The following BICRA variants were observed in gnomAD, a reference collection of about 807,000 sequenced individuals.
BICRA encodes the protein BRD4 interacting chromatin remodeling complex associated protein.
In BICRA, 31 loss-of-function variants were observed where a neutral mutation model predicts 96.9. The observed-to-expected ratio is 0.32, with a 90% CI of 0.24 to 0.43. The LOEUF is 0.43. Among genes scored for constraint, BICRA ranks in the 20% least tolerant of loss-of-function variants. The probability of loss-of-function intolerance (pLI) is 1.00; values close to 1 mark genes in which losing one functional copy is unlikely to be tolerated. For missense variants in BICRA, 2,283 were observed against 2,190.3 expected, an observed-to-expected ratio of 1.04 and a Z score of -0.84; for synonymous variants, 1,350 against 1,071.8, an observed-to-expected ratio of 1.26 and a Z score of -5.07.
chr19:47,626,196 A>C (rs1353398058), intron 1 of BICRA: 1 of 152,156 alleles, frequency 6.6e-6, no homozygotes, highest in African/African-American at 2.4e-5. Flanking sequence ...GTTCTGGTCT[A>C]GGCCACTTAC....
intron 9 of BICRA, 84 bp downstream of exon 9, chr19:47,695,164 C>A: frequency 2.1e-6 from 2 of 960,114 alleles, no homozygotes; most frequent in Non-Finnish European, 3.0e-6. Context: ...TGGGCTGGGG[C>A]AGGGCTGTGG....
At chr19:47,630,126 A>C (rs1295241920) in intron 1 of BICRA, among the ~76,000 whole-genome samples, 2 of 135,548 alleles carry the variant, frequency 1.5e-5, no homozygotes. Context: ...GCACCTCGTT[A>C]CCTCTATTCT....
intron 1 of BICRA, among the ~76,000 whole-genome samples, chr19:47,657,151 G>A (rs1972630834): frequency 1.3e-5 from 2 of 151,586 alleles, no homozygotes; most frequent in South Asian, 2.1e-4. Context: ...GTGAGCCACT[G>A]CGCCGGGCCC....
intron 1 of BICRA, among the ~76,000 whole-genome samples, chr19:47,618,338 C>T (rs1166164393): frequency 6.6e-6 from 1 of 152,146 alleles, no homozygotes; most frequent in African/African-American, 2.4e-5. Context: ...AGCTATTTCC[C>T]TCCTTTAGTC....
chr19:47,653,913 A>G (rs1183593903), intron 1 of BICRA, among the ~76,000 whole-genome samples: 1 of 152,032 alleles, frequency 6.6e-6, no homozygotes, highest in African/African-American at 2.4e-5. Context: ...GCTCACTGCA[A>G]CCTGTGCCTC....
chr19:47,629,446 C>G (rs1260052295), intron 1 of BICRA, among the ~76,000 whole-genome samples: 1 of 152,186 alleles, frequency 6.6e-6, no homozygotes, highest in Non-Finnish European at 1.5e-5. Context: ...CTGTCACTGG[C>G]TTATTTCACT....
chr19:47,702,074 C>G lies in BICRA; in HGVS notation c.4342C>G (p.Pro1448Ala). 1 of 1,511,590 alleles carries G rather than the reference C, an allele frequency of 6.6e-7. No homozygotes were observed. Among genetic ancestry groups the G allele is most frequent in the Non-Finnish European group, 8.8e-7 (1 of 1,138,364 alleles). 93.6% of individuals were successfully genotyped at this position (1,511,590 alleles called of 1,614,324 possible). A position where few individuals can be genotyped will look rare whatever the true frequency, so the allele number is the denominator to read the frequency against. ...ELYQRMLKGP[P>A]PEPAASAAQG... is the part of the protein sequence containing the mutation. ...GTACCAGCGTATGCTGAAGGGCCCC[C>G]CGCCAGAGCCCGCAGCCAGCGCCGC... Residue 1448 changes from proline (P) to alanine (A), a missense_variant, in exon 15 of 15, where the codon CCG (proline) becomes GCG (alanine). Physicochemically the swap from Pro to Ala is conservative, Grantham distance 27. Transcript: ENST00000594866.
At chr19:47,630,675 G>A (rs1479179593) in intron 1 of BICRA, among the ~76,000 whole-genome samples, 1 of 152,124 alleles carries the variant, frequency 6.6e-6, no homozygotes, top group Non-Finnish European at 1.5e-5. Flanking sequence ...ATGGACACTT[G>A]GGTCATGTCC....
intron 1 of BICRA, among the ~76,000 whole-genome samples, chr19:47,613,607 C>T (rs182393875): frequency 6.6e-6 from 1 of 152,302 alleles, no homozygotes; most frequent in Admixed American, 6.5e-5. Flanking sequence ...GAATTGCCCC[C>T]TCCTTACTCA....
chr19:47,665,501 G>T (rs557485520), intron 1 of BICRA, among the ~76,000 whole-genome samples: 1 of 152,160 alleles, frequency 6.6e-6, no homozygotes, highest in Non-Finnish European at 1.5e-5. Flanking sequence ...ATGGGGTCTC[G>T]CTGTCTTGCC....
At chr19:47,663,769 A>G (rs1972736264) in intron 1 of BICRA, 1 of 145,684 alleles carries the variant, frequency 6.9e-6, no homozygotes. Context: ...CTCACAGTCC[A>G]AAATATGTTT....
chr19:47,611,288 A>G (rs1472623958), intron 1 of BICRA, among the ~76,000 whole-genome samples: 3 of 151,048 alleles, frequency 2.0e-5, no homozygotes, highest in Non-Finnish European at 4.4e-5. Context: ...TTTCCCTGGG[A>G]GCTGGTTTTG....
Position 47,643,360 on chromosome 19 carries a change from G to A in BICRA, c.-107-27083G>A, listed in dbSNP as rs186138895. On this transcript the variant is annotated intron_variant, in intron 1 of 14. Coordinates refer to ENST00000594866, the MANE Select transcript of BICRA (RefSeq NM_001394372.1). ...CCAACCCAAATACATCTGGGGCCCC[G>A]GTGTGCTGCCCCTGACTGACAAAGT... Among the ~76,000 whole-genome samples, 581 of 152,300 alleles carry A rather than the reference G, an allele frequency of 3.8e-3. 3 individuals carry two copies. The highest frequency in any genetic ancestry group is 6.5e-3 in the Non-Finnish European group (444 of 68,022).
Position 47,679,713 on chromosome 19 carries a change from G to T in BICRA, c.543G>T (p.Leu181=). Residue 181 remains leucine, a synonymous_variant, in exon 6 of 15, where the codon CTG becomes CTT. Coordinates refer to ENST00000594866, the MANE Select transcript of BICRA (RefSeq NM_001394372.1). The stretch of plus-strand genomic sequence containing the variant: ...CTACCGTGCTGACCCACCAGGCCCT[G>T]GTGCCGCCCCAGGACGTGGTCAACA... The part of the protein sequence containing the change: ...GPPTVLTHQA[L]VPPQDVVNKA... The T allele has an allele frequency of 6.5e-7, 1 of 1,536,090 alleles. No homozygotes were observed.
intron 7 of BICRA, among the ~76,000 whole-genome samples, chr19:47,682,770 T>C (rs1404554364): frequency 6.6e-6 from 1 of 151,900 alleles, no homozygotes; most frequent in Non-Finnish European, 1.5e-5. Flanking sequence ...CTCCGATGTT[T>C]AAGTGATTCT....
intron 1 of BICRA, among the ~76,000 whole-genome samples, chr19:47,653,507 G>T (rs757140730): frequency 3.9e-5 from 6 of 152,026 alleles, no homozygotes; most frequent in African/African-American, 1.5e-4. Flanking sequence ...ATGAGCAGCC[G>T]CTTTGAATTT....
intron 7 of BICRA, among the ~76,000 whole-genome samples, chr19:47,686,776 TG>T (rs1973165643): frequency 6.6e-6 from 1 of 152,118 alleles, no homozygotes; most frequent in African/African-American, 2.4e-5. Context: ...TTTTTATTTT[TG>T]GGGGTTTTTT....
At chr19:47,616,755 G>T (rs182610806) in intron 1 of BICRA, among the ~76,000 whole-genome samples, 1 of 152,214 alleles carries the variant, frequency 6.6e-6, no homozygotes, top group Non-Finnish European at 1.5e-5. Context: ...GACTTGGGAA[G>T]CTTTTTAGGA....
intron 10 of BICRA, 129 bp from the exon 11 acceptor site, chr19:47,696,320 TGG>T: frequency 1.3e-6 from 1 of 764,836 alleles, no homozygotes; most frequent in Non-Finnish European, 2.1e-6. Context: ...ATCCTGTAGC[TGG>T]GGCCAGGCCC....
Sources: allele counts gnomAD v4.1 joint callset (sites outside exome capture counted in the v4.1 genomes callset), GRCh38; gene constraint gnomAD v4.1.1; transcripts MANE v1.5; gene names NCBI Gene and HGNC (gene_info 2026-07-23, HGNC 2026-07-21).